The following CPA1 variants were observed in gnomAD, a reference collection of about 807,000 sequenced individuals.
CPA1 encodes carboxypeptidase A1 (pancreatic).
A neutral mutation model predicts 48.7 loss-of-function variants in CPA1; 42 were observed. The ratio of observed to expected loss-of-function variants is 0.86; its 90% CI spans 0.67 to 1.11. The LOEUF is 1.11. Ranked by LOEUF, CPA1 falls within the 50% of genes most tolerant of loss-of-function variation. The probability of loss-of-function intolerance (pLI) is 0.00; values close to 1 mark genes in which losing one functional copy is unlikely to be tolerated. For synonymous variants in CPA1, 203 were observed against 217.9 expected (o/e 0.93, Z 0.60); for missense variants, 477 against 544.7 (o/e 0.88, Z 1.24).
At position 130,388,100 on chromosome 7, in the gene CPA1, G is replaced by C. The variant is rs1796504102; in HGVS notation, c.*89G>C. On this transcript the variant is annotated 3_prime_UTR_variant, in exon 10 of 10. Coordinates refer to ENST00000011292, the MANE Select transcript of CPA1 (RefSeq NM_001868.4). Reference sequence around the variant, plus strand: ...TGAGTGTACCAGGAACAGAATCCTGGGGCTTGCATGTGGAGTGTCTGCCTC... The same window carrying C: ...TGAGTGTACCAGGAACAGAATCCTGCGGCTTGCATGTGGAGTGTCTGCCTC... 7.5e-7 allele frequency: 1 copy of C among 1,329,852 alleles called. No homozygotes were observed. Among genetic ancestry groups the C allele is most frequent in the Non-Finnish European group, 1.1e-6 (1 of 934,076 alleles). 82.4% of individuals were successfully genotyped at this position (1,329,852 alleles called of 1,614,324 possible).
chr7:130,382,630 A>ATTT lies in CPA1; in HGVS notation c.483+443_483+445dup, dbSNP rs34457825. On this transcript the variant is annotated intron_variant, in intron 4 of 9. Transcript: ENST00000011292. ...AAGCACGTGCCACCATGCCCGGGTA[A>ATTT]TTTTTTTTTTTTTTTTTTTTTTTTG... Among the ~76,000 whole-genome samples the ATTT allele has an allele frequency of 2.1e-3, 156 of 74,364 alleles. 1 individual carries two copies. Among genetic ancestry groups the ATTT allele is most frequent in the East Asian group, 3.4e-3 (8 of 2,348 alleles). The allele number at this position is 74,364 out of a possible 152,430, so 48.8% of individuals were successfully genotyped here.
chr7:130,382,187 G>C lies in CPA1; in HGVS notation c.461G>C (p.Gly154Ala). The C allele has an allele frequency of 6.2e-7, 1 of 1,614,146 alleles. No homozygotes were observed. Among genetic ancestry groups the C allele is most frequent in the Non-Finnish European group, 8.5e-7 (1 of 1,179,988 alleles). The change falls in exon 4 of 10, where the codon GGG becomes GCG. Residue 154 changes from glycine to alanine, a missense_variant. Physicochemically the swap from Gly to Ala is moderately conservative, Grantham distance 60. Coordinates refer to ENST00000011292, the MANE Select transcript of CPA1 (RefSeq NM_001868.4). The part of the protein sequence containing the change: ...SKIQIGNTYE[G>A]RPIYVLKFST... ...ATCCAGATTGGCAACACCTATGAAG[G>C]GCGTCCCATTTACGTGCTGAAGGTA...
At position 130,387,715 on chromosome 7, in the gene CPA1, A is replaced by G; in HGVS notation, c.1073-109A>G. ...ACCTTAGTAGACACTGACTCCACTC[A>G]GCATTGCACAAGGCACAGAGCTTTG... On this transcript the variant is annotated intron_variant, in intron 9 of 9. Coordinates refer to ENST00000011292, the MANE Select transcript of CPA1 (RefSeq NM_001868.4). This position sits in a 1 kb window ranked among gnomAD's most constrained non-coding sequence, Gnocchi z 4.6. 1.0e-6 allele frequency: 1 copy of G among 976,484 alleles called. No individual in the cohort carries two copies. Among genetic ancestry groups the G allele is most frequent in the Admixed American group, 2.2e-5 (1 of 45,956 alleles). 60.5% of individuals were successfully genotyped at this position (976,484 alleles called of 1,614,324 possible). A position where few individuals can be genotyped will look rare whatever the true frequency, so the allele number is the denominator to read the frequency against.
In CPA1 at chr7:130,385,924, G is replaced by T. The variant is rs782539361; in HGVS notation, c.1072+1G>T. 6.2e-7 allele frequency: 1 copy of T among 1,612,776 alleles called. No homozygotes were observed. Among genetic ancestry groups the T allele is most frequent in the Non-Finnish European group, 8.5e-7 (1 of 1,178,884 alleles). Reference sequence around the variant, plus strand: ...TATGGCAGCATCATCAAGGCAATTTGTAAGTGGCCGTAGGGTCTCTCTTGA... The same window carrying T: ...TATGGCAGCATCATCAAGGCAATTTTTAAGTGGCCGTAGGGTCTCTCTTGA... On this transcript the variant is annotated splice_donor_variant, in intron 9 of 9. Coordinates refer to ENST00000011292, the MANE Select transcript of CPA1 (RefSeq NM_001868.4). LOFTEE classifies it high-confidence loss of function.
chr7:130,383,606 G>A (rs1160699756), intron 5 of CPA1, 78 bp from the exon 6 acceptor site: 17 of 1,419,562 alleles, frequency 1.2e-5, no homozygotes, highest in Non-Finnish European at 1.5e-5. Flanking sequence ...AGAGGACATG[G>A]GGAAAGGTGT....
Position 130,385,353 on chromosome 7 carries a change from C to T in CPA1, c.987+8C>T, listed in dbSNP as rs782427594. ...CCTGACCAGGATGAGCTGGTAGGCA[C>T]TGACCTCGGCTTGCCCCCTCGTCCC... On this transcript the variant is annotated splice_region_variant and intron_variant, in intron 8 of 9. Transcript: ENST00000011292. The T allele has an allele frequency of 9.3e-6, 15 of 1,613,766 alleles. No homozygotes were observed. Among genetic ancestry groups the T allele is most frequent in the Non-Finnish European group, 6.8e-6 (8 of 1,179,840 alleles).
At position 130,381,611 on chromosome 7, in the gene CPA1, C is replaced by G; in HGVS notation, c.148-19C>G. The G allele has an allele frequency of 6.3e-7, 1 of 1,598,348 alleles. No individual in the cohort carries two copies. Among genetic ancestry groups the G allele is most frequent in the Non-Finnish European group, 8.6e-7 (1 of 1,167,018 alleles). ...TGCCCCCAGCCCGCTGTGACCGTGC[C>G]GGCTCTTGTCCTCCCCAGCTGGACT... On this transcript the variant is annotated intron_variant, in intron 2 of 9. Transcript: ENST00000011292.
At chr7:130,386,767 G>A (rs1427174614) in intron 9 of CPA1, among the ~76,000 whole-genome samples, 2 of 152,136 alleles carry the variant, frequency 1.3e-5, no homozygotes, top group Non-Finnish European at 2.9e-5. Flanking sequence ...TTCTAGCCAG[G>A]GAGACCAACA....
At chr7:130,382,854 A>G (rs1254520166) in intron 4 of CPA1, among the ~76,000 whole-genome samples, 3 of 151,728 alleles carry the variant, frequency 2.0e-5, no homozygotes, top group Non-Finnish European at 4.4e-5. Context: ...CGTATTAGCC[A>G]GGATGGTCTC....
At chr7:130,382,871 C>T (rs1398133348) in intron 4 of CPA1, among the ~76,000 whole-genome samples, 1 of 151,904 alleles carries the variant, frequency 6.6e-6, no homozygotes. Flanking sequence ...TCTCGATCTC[C>T]TGACCTTGTG....
chr7:130,386,012 G>T (rs1584853450), intron 9 of CPA1, 89 bp downstream of exon 9: 3 of 1,181,100 alleles, frequency 2.5e-6, no homozygotes. Flanking sequence ...ATGGAAGGAA[G>T]TAGCCAAGGG....
At position 130,383,416 on chromosome 7, in the gene CPA1, C is replaced by T; in HGVS notation, c.509C>T (p.Pro170Leu). The change falls in exon 5 of 10, where the codon CCA becomes CTA. Residue 170 changes from proline to leucine, a missense_variant. Physicochemically the swap from Pro to Leu is moderately conservative, Grantham distance 98. Transcript: ENST00000011292. ...TTCAGCACGGGGGGCAGTAAGCGTC[C>T]AGCCATCTGGATCGACACGGGCATC... The part of the protein sequence containing the change: ...LKFSTGGSKR[P>L]AIWIDTGIHS... The T allele has an allele frequency of 1.2e-6, 2 of 1,614,176 alleles. No homozygotes were observed. Among genetic ancestry groups the T allele is most frequent in the Non-Finnish European group, 8.5e-7 (1 of 1,180,022 alleles).
rs926517578 is a variant in CPA1 at position 130,385,057 on chromosome 7, C to T, written c.788-89C>T. 5.2e-6 allele frequency: 7 copies of T among 1,333,550 alleles called. No homozygotes were observed. The South Asian group carries it at 6.1e-5, about 12-fold the overall frequency. The allele number at this position is 1,333,550 out of a possible 1,614,324, so 82.6% of individuals were successfully genotyped here. A position where few individuals can be genotyped will look rare whatever the true frequency, so the allele number is the denominator to read the frequency against. Reference sequence around the variant, plus strand: ...GGTGGGAGTGAGCCCTTCCATACCACCTCACCCCCAACTCCATGCAAAGAA... The same window carrying T: ...GGTGGGAGTGAGCCCTTCCATACCATCTCACCCCCAACTCCATGCAAAGAA... On this transcript the variant is annotated intron_variant, in intron 7 of 9. Coordinates refer to ENST00000011292, the MANE Select transcript of CPA1 (RefSeq NM_001868.4).
At chr7:130,384,492 C>A in intron 6 of CPA1, 44 bp from the exon 7 acceptor site, 1 of 1,525,298 alleles carries the variant, frequency 6.6e-7, no homozygotes, top group Non-Finnish European at 9.1e-7. Context: ...CTGTGACAAG[C>A]GTCACACGTG....
chr7:130,385,192 G>T lies in CPA1; in HGVS notation c.834G>T (p.Lys278Asn). 1 of 1,614,240 alleles carries T rather than the reference G, an allele frequency of 6.2e-7. No homozygotes were observed. Among genetic ancestry groups the T allele is most frequent in the Non-Finnish European group, 8.5e-7 (1 of 1,180,048 alleles). Residue 278 changes from lysine (K) to asparagine (N), a missense_variant, in exon 8 of 10, where the codon AAG (lysine) becomes AAT (asparagine). Physicochemically the swap from Lys to Asn is moderately conservative, Grantham distance 94 (BLOSUM62 0). Coordinates refer to ENST00000011292, the MANE Select transcript of CPA1 (RefSeq NM_001868.4). Reference protein sequence around the residue: ...SNPCSETYHGKFANSEVEVKS... With the variant: ...SNPCSETYHGNFANSEVEVKS... ...CCTGCTCGGAGACTTACCACGGCAA[G>T]TTTGCCAATTCCGAAGTGGAGGTCA...
intron 1 of CPA1, 80 bp downstream of exon 1, chr7:130,380,665 G>C: frequency 3.7e-6 from 3 of 820,094 alleles, no homozygotes; most frequent in Admixed American, 6.1e-5. Context: ...GAGACAGACA[G>C]ACAGATACAT....
intron 3 of CPA1, 36 bp downstream of exon 3, chr7:130,381,899 C>A: frequency 1.3e-6 from 2 of 1,581,470 alleles, no homozygotes; most frequent in Non-Finnish European, 8.7e-7. Context: ...CCTGCAGCCA[C>A]CAGCTCTTCA....
rs2117499250 is a variant in CPA1, at chr7:130,381,184, G to C, written c.147+5G>C. 6.2e-7 allele frequency: 1 copy of C among 1,606,804 alleles called. No homozygotes were observed. Among genetic ancestry groups the C allele is most frequent in the Middle Eastern group, 1.8e-4 (1 of 5,572 alleles). ...GAGGACCTGGAGCACCTGCAGGTCA[G>C]AAGAGGGGAGAAGGGCTCTCTGAGG... On this transcript the variant is annotated splice_donor_5th_base_variant and intron_variant, in intron 2 of 9. Transcript: ENST00000011292.
At chr7:130,386,916 A>T (rs1796483749) in intron 9 of CPA1, among the ~76,000 whole-genome samples, 1 of 152,218 alleles carries the variant, frequency 6.6e-6, no homozygotes. Flanking sequence ...GGCCTCATTG[A>T]CAGAGTGACA....
Sources: allele counts gnomAD v4.1 joint callset (sites outside exome capture counted in the v4.1 genomes callset), GRCh38; gene constraint gnomAD v4.1.1; non-coding constraint Gnocchi (gnomAD v3.1); transcripts MANE v1.5; gene names NCBI Gene and HGNC (gene_info 2026-07-23, HGNC 2026-07-21).